RAB25: variants seen among roughly 807,000 people sequenced by gnomAD.
The protein encoded by RAB25 is ras-related protein Rab-25.
In RAB25, 23 loss-of-function variants were observed where a neutral mutation model predicts 25.2. The observed-to-expected ratio is 0.91, with a 90% CI of 0.66 to 1.29. The LOEUF (loss-of-function observed/expected upper bound fraction) is 1.29, where lower values mean the gene tolerates loss of function less well. Among genes scored for constraint, RAB25 ranks in the 50% most tolerant of loss-of-function variants. The probability of loss-of-function intolerance (pLI) is 0.00; values close to 1 mark genes in which losing one functional copy is unlikely to be tolerated. For synonymous variants in RAB25, 102 were observed against 111.5 expected, an observed-to-expected ratio of 0.91 and a Z score of 0.54; for missense variants, 244 against 277.3, an observed-to-expected ratio of 0.88 and a Z score of 0.85.
At chr1:156,065,602 G>T (rs543537849) in intron 1 of RAB25, among the ~76,000 whole-genome samples, 1 of 152,054 alleles carries the variant, frequency 6.6e-6, no homozygotes, top group African/African-American at 2.4e-5. Context: ...TAATGTCTCC[G>T]CATGACACTC....
At chr1:156,067,618 G>A (rs1647778724) in intron 2 of RAB25, among the ~76,000 whole-genome samples, 1 of 152,228 alleles carries the variant, frequency 6.6e-6, no homozygotes, top group African/African-American at 2.4e-5. Flanking sequence ...TCTTGAAGGT[G>A]GCAGAGTTGG....
chr1:156,061,508 G>C, intron 1 of RAB25, 65 bp downstream of exon 1: 1 of 1,531,630 alleles, frequency 6.5e-7, no homozygotes, highest in Non-Finnish European at 9.0e-7. Context: ...AATAGAGCCA[G>C]AGAGGGCCCC....
At chr1:156,063,328 T>C (rs538437987) in intron 1 of RAB25, among the ~76,000 whole-genome samples, 1 of 152,118 alleles carries the variant, frequency 6.6e-6, no homozygotes, top group Non-Finnish European at 1.5e-5. Context: ...AATTTTTGTA[T>C]TTTTAGTAGA....
chr1:156,065,556 C>T (rs1042897544), intron 1 of RAB25, among the ~76,000 whole-genome samples: 9 of 152,176 alleles, frequency 5.9e-5, no homozygotes, highest in African/African-American at 2.2e-4. Context: ...CACCCCCTGA[C>T]CTCCCACCAT....
At chr1:156,066,483 G>A (rs74864564) in intron 2 of RAB25, among the ~76,000 whole-genome samples, 1 of 152,272 alleles carries the variant, frequency 6.6e-6, no homozygotes, top group East Asian at 1.9e-4. Context: ...GCTAGGATGG[G>A]GGCGAGCTGC....
rs61751627 is a variant in RAB25 at position 156,065,926 on chromosome 1, A to T, written c.59A>T (p.Glu20Val). Residue 20 changes from glutamate (E) to valine (V), a missense_variant, in exon 2 of 5, where the codon GAA (glutamate) becomes GTA (valine). Transcript: ENST00000361084. The part of the protein sequence containing the change: ...NFVFKVVLIG[E>V]SGVGKTNLLS... ...ACTCCTTCAGTGGTGCTGATCGGCG[A>T]ATCAGGTGTGGGGAAGACCAATCTA... 3 of 1,603,270 alleles carry T rather than the reference A, an allele frequency of 1.9e-6. No individual in the cohort carries two copies. In the East Asian group the frequency reaches 6.7e-5, roughly 36 times the overall value.
chr1:156,067,122 A>G (rs975076130), intron 2 of RAB25, among the ~76,000 whole-genome samples: 4 of 150,444 alleles, frequency 2.7e-5, no homozygotes, highest in African/African-American at 4.9e-5. Flanking sequence ...AATCCCAACT[A>G]CTCGGGAGGC....
rs555079424 is a variant in RAB25, at chr1:156,061,754, G to T, written c.43+311G>T. 1.7e-4 allele frequency among the ~76,000 whole-genome samples: 26 copies of T among 152,262 alleles called. No homozygotes were observed. The South Asian group carries it at 5.0e-3, about 29-fold the overall frequency. On this transcript the variant is annotated intron_variant, in intron 1 of 4. Transcript: ENST00000361084. Reference sequence around the variant, plus strand: ...TGGTGTCAGCCAGTGCAGCACAAGAGATGGAGGTCAGACTTCAGAAAGGAC... The same window carrying T: ...TGGTGTCAGCCAGTGCAGCACAAGATATGGAGGTCAGACTTCAGAAAGGAC...
chr1:156,065,924 C>T lies in RAB25; in HGVS notation c.57C>T (p.Gly19=), dbSNP rs756266121. Residue 19 remains glycine (G), a synonymous_variant, in exon 2 of 5, where the codon GGC becomes GGT. Transcript: ENST00000361084. ...YNFVFKVVLI[G]ESGVGKTNLL... Reference sequence around the variant, plus strand: ...CCACTCCTTCAGTGGTGCTGATCGGCGAATCAGGTGTGGGGAAGACCAATC... The same window carrying T: ...CCACTCCTTCAGTGGTGCTGATCGGTGAATCAGGTGTGGGGAAGACCAATC... 2.7e-5 allele frequency: 43 copies of T among 1,599,936 alleles called. No homozygotes were observed. The highest frequency in any genetic ancestry group is 1.1e-4 in the African/African-American group (8 of 74,692).
rs1647722906 is a variant in RAB25 at position 156,065,801 on chromosome 1, A to G, written c.44-110A>G. 6.9e-6 allele frequency: 6 copies of G among 869,344 alleles called. No individual in the cohort carries two copies. The Admixed American group carries it at 1.7e-4, about 24-fold the overall frequency. 53.9% of individuals were successfully genotyped at this position (869,344 alleles called of 1,614,324 possible). On this transcript the variant is annotated intron_variant, in intron 1 of 4. Transcript: ENST00000361084. ...GTCTCACAGGAGACTCCGTTCCCTA[A>G]TCTTTTTTCTGAGCTCAGTTCCCTT...
intron 2 of RAB25, among the ~76,000 whole-genome samples, chr1:156,067,709 A>AG (rs1317946098): frequency 6.6e-6 from 1 of 152,220 alleles, no homozygotes; most frequent in Non-Finnish European, 1.5e-5. Flanking sequence ...GCTGGCTGTG[A>AG]GGAAGCCAAT....
In RAB25 at chr1:156,063,052, TAAAAA is replaced by T. The variant is rs1158919173; in HGVS notation, c.43+1629_43+1633del. ...CTGGGCAACAGAGCAAGACTCTGTC[TAAAAA>T]AAAAAAAAAAAAAAAAAAAGTATTG... On this transcript the variant is annotated intron_variant, in intron 1 of 4. Transcript: ENST00000361084. 4.1e-3 allele frequency among the ~76,000 whole-genome samples: 280 copies of T among 67,916 alleles called. 1 individual carries two copies. Among genetic ancestry groups the T allele is most frequent in the African/African-American group, 0.015 (271 of 17,568 alleles). The allele number at this position is 67,916 out of a possible 152,430, so 44.6% of individuals were successfully genotyped here.
chr1:156,068,172 T>C lies in RAB25; in HGVS notation c.240-98T>C. On this transcript the variant is annotated intron_variant, in intron 2 of 4. Coordinates refer to ENST00000361084, the MANE Select transcript of RAB25 (RefSeq NM_020387.4). ...AGTTTCTGTATTTCCTGATCTCTAG[T>C]ACTCTGATCCCGGGTGTTCCAGCTT... 3.6e-6 allele frequency: 4 copies of C among 1,099,458 alleles called. No homozygotes were observed. The South Asian group carries it at 5.6e-5, about 16-fold the overall frequency. The allele number at this position is 1,099,458 out of a possible 1,614,324, so 68.1% of individuals were successfully genotyped here.
intron 2 of RAB25, among the ~76,000 whole-genome samples, chr1:156,067,528 A>G (rs995607196): frequency 2.0e-5 from 3 of 152,224 alleles, no homozygotes; most frequent in Non-Finnish European, 4.4e-5. Flanking sequence ...GGACTGCTGC[A>G]AGAGGTAGGC....
rs1373380996 is a variant in RAB25, at chr1:156,069,693, G to A, written c.456G>A (p.Leu152=). Residue 152 remains leucine (L), a synonymous_variant, in exon 4 of 5, where the codon CTG becomes CTA. Transcript: ENST00000361084. The part of the protein sequence containing the change: ...MFAENNGLLF[L]ETSALDSTNV... ...CAGAAAACAATGGACTGCTCTTCCT[G>A]GAGACCTCAGCCCTGGACTCTACCA... 1 of 1,613,030 alleles carries A rather than the reference G, an allele frequency of 6.2e-7. No homozygotes were observed. The highest frequency in any genetic ancestry group is 8.5e-7 in the Non-Finnish European group (1 of 1,179,052).
intron 3 of RAB25, 84 bp downstream of exon 3, chr1:156,068,547 A>T (rs1054398912): frequency 3.1e-5 from 43 of 1,388,240 alleles, no homozygotes; most frequent in Admixed American, 1.4e-4. Flanking sequence ...GCCCCCACCC[A>T]TAGAGCCCCT....
intron 1 of RAB25, among the ~76,000 whole-genome samples, chr1:156,064,060 G>C (rs1647668713): frequency 6.6e-6 from 1 of 152,054 alleles, no homozygotes; most frequent in African/African-American, 2.4e-5. Flanking sequence ...TGACGCTAGG[G>C]CTGAGAGCCC....
chr1:156,068,208 C>A, intron 2 of RAB25, 62 bp from the exon 3 acceptor site: 1 of 1,427,724 alleles, frequency 7.0e-7, no homozygotes, highest in Admixed American at 1.7e-5. Flanking sequence ...GACGGCTCTG[C>A]TCTGATGCTG....
At chr1:156,069,884 G>C in intron 4 of RAB25, 133 bp downstream of exon 4, 2 of 891,566 alleles carry the variant, frequency 2.2e-6, no homozygotes, top group South Asian at 1.5e-5. Flanking sequence ...ACCACTGCCT[G>C]TCCCCCTCAG....
Sources: allele counts gnomAD v4.1 joint callset (sites outside exome capture counted in the v4.1 genomes callset), GRCh38; gene constraint gnomAD v4.1.1; transcripts MANE v1.5; gene names NCBI Gene and HGNC (gene_info 2026-07-23, HGNC 2026-07-21).